Variants in DLG2 observed in about 807,000 individuals in gnomAD.
DLG2 encodes disks large homolog 2.
A neutral mutation model predicts 132.5 loss-of-function variants in DLG2; 45 were observed. The observed-to-expected ratio is 0.34, with a 90% CI of 0.27 to 0.44. DLG2 has a LOEUF of 0.44. Ranked by LOEUF, DLG2 falls within the 20% of genes least tolerant of loss-of-function variation. The probability of loss-of-function intolerance (pLI) is 1.00; values close to 1 mark genes in which losing one functional copy is unlikely to be tolerated. For missense variants in DLG2, 1,045 were observed against 1,196.9 expected, an observed-to-expected ratio of 0.87 and a Z score of 1.87; for synonymous variants, 424 against 419.6, an observed-to-expected ratio of 1.01 and a Z score of -0.13.
intron 6 of DLG2, among the ~76,000 whole-genome samples, chr11:84,733,482 A>G (rs1313597513): frequency 1.3e-5 from 2 of 151,560 alleles, no homozygotes; most frequent in Non-Finnish European, 1.5e-5. Context: ...ACTTGTTGAT[A>G]GGGTTGTTTC....
chr11:84,600,213 AAAG>A (rs1224523123), intron 6 of DLG2, among the ~76,000 whole-genome samples: 1 of 136,598 alleles, frequency 7.3e-6, no homozygotes, highest in African/African-American at 3.2e-5. Flanking sequence ...AGAAAGAAAG[AAAG>A]AAAGAAAGAG....
At chr11:84,656,915 T>C (rs2099689004) in intron 6 of DLG2, among the ~76,000 whole-genome samples, 1 of 152,196 alleles carries the variant, frequency 6.6e-6, no homozygotes, top group Non-Finnish European at 1.5e-5. Context: ...TTAGGATCAG[T>C]TCAAACTAAT....
At chr11:85,320,885 C>T (rs2081016841) in intron 3 of DLG2, among the ~76,000 whole-genome samples, 2 of 151,146 alleles carry the variant, frequency 1.3e-5, no homozygotes, top group Admixed American at 1.3e-4. Context: ...GGTGTGGTGG[C>T]TTATTGTTTA....
chr11:84,739,081 G>A (rs2064246323), intron 6 of DLG2, among the ~76,000 whole-genome samples: 1 of 152,060 alleles, frequency 6.6e-6, no homozygotes, highest in Non-Finnish European at 1.5e-5. Context: ...GGAATCTTGG[G>A]GTGATGGTAA....
At chr11:84,183,987 T>G (rs2096213485) in intron 8 of DLG2, among the ~76,000 whole-genome samples, 2 of 152,052 alleles carry the variant, frequency 1.3e-5, no homozygotes, top group Non-Finnish European at 2.9e-5. Flanking sequence ...GTTGGACATT[T>G]GGGTTGGTTC....
At chr11:85,157,936 T>G (rs1220160371) in intron 4 of DLG2, among the ~76,000 whole-genome samples, 1 of 151,784 alleles carries the variant, frequency 6.6e-6, no homozygotes, top group Non-Finnish European at 1.5e-5. Context: ...TCCACCGTTG[T>G]CTGAGGAGAT....
intron 6 of DLG2, among the ~76,000 whole-genome samples, chr11:84,588,324 T>A (rs1285792338): frequency 6.6e-6 from 1 of 152,156 alleles, no homozygotes; most frequent in Non-Finnish European, 1.5e-5. Flanking sequence ...ATCATCTTCT[T>A]TTCAGCCCCA....
intron 4 of DLG2, among the ~76,000 whole-genome samples, chr11:85,208,105 C>A (rs890017566): frequency 1.3e-5 from 2 of 151,914 alleles, no homozygotes; most frequent in African/African-American, 4.8e-5. Context: ...CAGTTTTATT[C>A]TTGTTAGAAC....
chr11:83,596,785 A>T (rs2057661295), intron 19 of DLG2, among the ~76,000 whole-genome samples: 2 of 150,966 alleles, frequency 1.3e-5, no homozygotes, highest in African/African-American at 4.9e-5. Flanking sequence ...ACTTTTGTAC[A>T]TGCTCCTCCT....
intron 7 of DLG2, among the ~76,000 whole-genome samples, chr11:84,489,023 A>G (rs779321040): frequency 1.3e-5 from 2 of 152,210 alleles, no homozygotes; most frequent in Non-Finnish European, 2.9e-5. Context: ...CTTAAGGCTC[A>G]GAAATACTGA....
chr11:85,537,557 T>A (rs1468111964), intron 3 of DLG2, among the ~76,000 whole-genome samples: 1 of 148,754 alleles, frequency 6.7e-6, no homozygotes, highest in Admixed American at 6.7e-5. Context: ...ATGGGAGGAA[T>A]GAACAACTCC....
chr11:83,988,947 T>G (rs1360352976), intron 11 of DLG2, among the ~76,000 whole-genome samples: 1 of 63,870 alleles, frequency 1.6e-5, no homozygotes, highest in Non-Finnish European at 3.0e-5. Flanking sequence ...GGTGAAAACA[T>G]AAGCTCTGTA....
intron 3 of DLG2, among the ~76,000 whole-genome samples, chr11:85,407,119 T>C (rs1243818755): frequency 6.6e-6 from 1 of 151,596 alleles, no homozygotes; most frequent in Non-Finnish European, 1.5e-5. Context: ...GAACGAAAAA[T>C]CATAAGAATG....
intron 9 of DLG2, among the ~76,000 whole-genome samples, chr11:84,135,415 A>C (rs1338611223): frequency 6.6e-6 from 1 of 152,170 alleles, no homozygotes; most frequent in Non-Finnish European, 1.5e-5. Flanking sequence ...CAGTTACCAA[A>C]GGAAATCAAC....
chr11:85,180,350 C>T (rs1211878535), intron 4 of DLG2, among the ~76,000 whole-genome samples: 1 of 151,672 alleles, frequency 6.6e-6, no homozygotes, highest in East Asian at 1.9e-4. Context: ...TTTTGTTAAA[C>T]TTTTTTTAAT....
intron 7 of DLG2, among the ~76,000 whole-genome samples, chr11:84,420,835 AT>A (rs1199916596): frequency 6.8e-6 from 1 of 146,322 alleles, no homozygotes; most frequent in East Asian, 2.0e-4. Context: ...CGCCCGGCTA[AT>A]TTTTTGTATT....
chr11:84,108,593 C>T (rs2154189958), intron 9 of DLG2, among the ~76,000 whole-genome samples: 1 of 151,970 alleles, frequency 6.6e-6, no homozygotes, highest in African/African-American at 2.4e-5. Context: ...AAATTGAGAC[C>T]AGAATAGCTA....
At chr11:85,042,958 T>G (rs1211167080) in intron 6 of DLG2, among the ~76,000 whole-genome samples, 1 of 151,942 alleles carries the variant, frequency 6.6e-6, no homozygotes, top group Non-Finnish European at 1.5e-5. Context: ...TTTCTGGTTT[T>G]CATATTTTGA....
chr11:84,756,421 T>G (rs1450694256), intron 6 of DLG2, among the ~76,000 whole-genome samples: 1 of 152,216 alleles, frequency 6.6e-6, no homozygotes, highest in African/African-American at 2.4e-5. Context: ...ACACTCAAGC[T>G]ATTGACTATG....
Sources: gnomAD v4.1 joint callset for allele counts (sites outside exome capture counted in the v4.1 genomes callset) on GRCh38, gnomAD v4.1.1 for gene constraint, MANE v1.5 for transcripts, NCBI Gene and HGNC (gene_info 2026-07-23, HGNC 2026-07-21) for gene names.